Variants in SORL1 observed in about 807,000 individuals in gnomAD.
SORL1 encodes sortilin related receptor 1, also known as sortilin-related receptor.
In SORL1, 127 loss-of-function variants were observed where a neutral mutation model predicts 273.7. That is an observed-to-expected ratio of 0.46 (90% CI 0.40 to 0.54). The LOEUF is 0.54. Ranked by LOEUF, SORL1 falls within the 20% of genes least tolerant of loss-of-function variation. The pLI, the probability that SORL1 is intolerant of heterozygous loss-of-function variation, is 0.00. For synonymous variants in SORL1, 1,031 were observed against 1,067.4 expected, an observed-to-expected ratio of 0.97 and a Z score of 0.66; for missense variants, 2,494 against 2,846.1, an observed-to-expected ratio of 0.88 and a Z score of 2.81.
intron 2 of SORL1, among the ~76,000 whole-genome samples, chr11:121,472,328 A>G (rs1429845566): frequency 1.3e-5 from 2 of 152,200 alleles, no homozygotes; most frequent in Non-Finnish European, 2.9e-5. Flanking sequence ...CTCTTAATCC[A>G]GACAACATTT....
rs984973147 is a variant in SORL1 at position 121,627,649 on chromosome 11, G to A, written c.6459G>A (p.Val2153=). 6.2e-7 allele frequency: 1 copy of A among 1,614,192 alleles called. No individual in the cohort carries two copies. Among genetic ancestry groups the A allele is most frequent in the Admixed American group, 1.7e-5 (1 of 60,028 alleles). Residue 2153 remains valine, a synonymous_variant, in exon 47 of 48, where the codon GTG becomes GTA. Coordinates refer to ENST00000260197, the MANE Select transcript of SORL1 (RefSeq NM_003105.6). The surrounding 1 kb of genome is among the most constrained non-coding windows in gnomAD (Gnocchi z 4.9). ...TCCTGATACTGCTGAGCCTGGGGGT[G>A]GGGTTTGCCATCCTGTACACGAAGC... ...ILFLILLSLG[V]GFAILYTKHR...
At position 121,583,701 on chromosome 11, in the gene SORL1, T is replaced by G. The variant is rs889742081; in HGVS notation, c.3706+118T>G. 4 of 1,081,140 alleles carry G rather than the reference T, an allele frequency of 3.7e-6. No individual in the cohort carries two copies. The African/African-American group carries it at 6.5e-5, about 18-fold the overall frequency. The allele number at this position is 1,081,140 out of a possible 1,614,324, so 67.0% of individuals were successfully genotyped here. On this transcript the variant is annotated intron_variant, in intron 26 of 47. Coordinates refer to ENST00000260197, the MANE Select transcript of SORL1 (RefSeq NM_003105.6). ...TTCTCCTATGCCTGTATTTACACTC[T>G]GAAACCAAATAAGCCCATCTACTTT... is the stretch of plus-strand genomic sequence containing the variant.
intron 32 of SORL1, among the ~76,000 whole-genome samples, chr11:121,601,910 C>T (rs1285774167): frequency 3.3e-5 from 5 of 152,196 alleles, no homozygotes; most frequent in Non-Finnish European, 7.3e-5. Flanking sequence ...GGCATAGTCT[C>T]TCCCTGGCAA....
chr11:121,607,443 AG>A (rs1226423259), intron 37 of SORL1, among the ~76,000 whole-genome samples, 153 bp downstream of exon 37: 1 of 152,200 alleles, frequency 6.6e-6, no homozygotes, highest in Non-Finnish European at 1.5e-5. Flanking sequence ...GGGAGCTCAG[AG>A]TTTCTTTCAG....
intron 11 of SORL1, among the ~76,000 whole-genome samples, chr11:121,527,903 G>T (rs1181310795): frequency 6.6e-6 from 1 of 152,056 alleles, no homozygotes; most frequent in Non-Finnish European, 1.5e-5. Flanking sequence ...TCTTTCCAAA[G>T]AATCTGCTTT....
intron 30 of SORL1, 35 bp downstream of exon 30, chr11:121,590,209 A>G: frequency 1.2e-6 from 2 of 1,601,952 alleles, no homozygotes; most frequent in South Asian, 2.2e-5. Context: ...TAGCCCCATA[A>G]CCAAGACACA....
intron 12 of SORL1, among the ~76,000 whole-genome samples, chr11:121,542,918 C>T (rs1862368193): frequency 6.6e-6 from 1 of 151,166 alleles, no homozygotes; most frequent in Admixed American, 6.6e-5. Context: ...TGGCTCATGA[C>T]TGTAATCCCA....
chr11:121,478,426 T>C (rs1170884502), intron 3 of SORL1, among the ~76,000 whole-genome samples, 183 bp downstream of exon 3: 2 of 152,234 alleles, frequency 1.3e-5, no homozygotes, highest in Non-Finnish European at 2.9e-5. Flanking sequence ...GGTTGGTCTC[T>C]GCACAATCAG....
chr11:121,535,964 G>T (rs1333779392), intron 12 of SORL1, among the ~76,000 whole-genome samples: 3 of 152,344 alleles, frequency 2.0e-5, no homozygotes, highest in Non-Finnish European at 2.9e-5. Flanking sequence ...CATAGGAGCA[G>T]TGGCTTTTTC....
chr11:121,593,382 G>A (rs577686026), intron 31 of SORL1, among the ~76,000 whole-genome samples: 7 of 152,144 alleles, frequency 4.6e-5, no homozygotes, highest in South Asian at 2.1e-4. Flanking sequence ...CCTTTCAGTC[G>A]CCACTCAGGA....
At chr11:121,629,297 C>T (rs921878844) in intron 47 of SORL1, 199 bp from the exon 48 acceptor site, 14 of 525,172 alleles carry the variant, frequency 2.7e-5, no homozygotes, top group Non-Finnish European at 3.7e-5. Flanking sequence ...GAGGATCCAT[C>T]GATGGGTAGA....
At chr11:121,584,597 CTT>C (rs61438769) in intron 26 of SORL1, among the ~76,000 whole-genome samples, 3 of 144,942 alleles carry the variant, frequency 2.1e-5, no homozygotes, top group Admixed American at 6.9e-5. Flanking sequence ...AAGTGATTTT[CTT>C]TTTTTTTTTT....
intron 38 of SORL1, 190 bp from the exon 39 acceptor site, chr11:121,610,886 G>A (rs1863552643): frequency 1.9e-6 from 1 of 518,290 alleles, no homozygotes; most frequent in Non-Finnish European, 3.5e-6. Context: ...TGTTCACCAA[G>A]CAACTGTGGA....
intron 2 of SORL1, 107 bp from the exon 3 acceptor site, chr11:121,478,011 A>G (rs1861303416): frequency 4.6e-6 from 6 of 1,296,642 alleles, no homozygotes; most frequent in Admixed American, 2.3e-5. Flanking sequence ...CAGCCCGGGC[A>G]AAAAGAGTGA....
rs372366880 is a variant in SORL1, at chr11:121,615,047, C to G, written c.5596C>G (p.Arg1866Gly). The change falls in exon 41 of 48, where the codon CGG becomes GGG. Residue 1866 changes from arginine to glycine, a missense_variant. Physicochemically the swap from Arg to Gly is moderately radical, Grantham distance 125. Around this residue, in one of 3 missense-constraint regions of SORL1, gnomAD observed 1,609 missense variants for 1,816.4 expected, o/e 0.89. Transcript: ENST00000260197. ...TAVECTWTGP[R>G]NVVYGIFYAT... Reference sequence around the variant, plus strand: ...AGTGGAATGTACCTGGACCGGCCCCCGGAATGTGGTGAGTCAGCCAGAATG... The same window carrying G: ...AGTGGAATGTACCTGGACCGGCCCCGGGAATGTGGTGAGTCAGCCAGAATG... 6.3e-7 allele frequency: 1 copy of G among 1,595,658 alleles called. No individual in the cohort carries two copies. Among genetic ancestry groups the G allele is most frequent in the South Asian group, 1.1e-5 (1 of 88,768 alleles).
chr11:121,490,521 C>T (rs1861536897), intron 5 of SORL1, among the ~76,000 whole-genome samples: 1 of 152,120 alleles, frequency 6.6e-6, no homozygotes, highest in Non-Finnish European at 1.5e-5. Context: ...GGGCAGATCA[C>T]CTGAGCTCGG....
Position 121,589,320 on chromosome 11 carries a change from G to A in SORL1, c.4008G>A (p.Val1336=), listed in dbSNP as rs755838820. ...DEFGFQCQNG[V]CISLIWKCDG... Reference sequence around the variant, plus strand: ...TCGGTTTCCAGTGTCAGAATGGAGTGTGCATCAGTTTGATTTGGAAGTGCG... The same window carrying A: ...TCGGTTTCCAGTGTCAGAATGGAGTATGCATCAGTTTGATTTGGAAGTGCG... The change falls in exon 29 of 48, where the codon GTG becomes GTA. Residue 1336 remains valine (V), a synonymous_variant. Transcript: ENST00000260197. 2.8e-5 allele frequency: 45 copies of A among 1,613,910 alleles called. No individual in the cohort carries two copies. The South Asian group carries it at 4.7e-4, about 17-fold the overall frequency.
intron 30 of SORL1, 67 bp from the exon 31 acceptor site, chr11:121,590,934 G>C: frequency 6.3e-7 from 1 of 1,580,922 alleles, no homozygotes; most frequent in Non-Finnish European, 8.7e-7. Flanking sequence ...CTAGGTTTGG[G>C]ACATATTTGG....
intron 1 of SORL1, among the ~76,000 whole-genome samples, chr11:121,463,566 T>C (rs144617289): frequency 2.0e-5 from 3 of 152,232 alleles, no homozygotes; most frequent in Admixed American, 6.5e-5. Context: ...CTCTGTAGAA[T>C]GGTCATGGCT....
Sources: allele counts gnomAD v4.1 joint callset (sites outside exome capture counted in the v4.1 genomes callset), GRCh38; gene constraint gnomAD v4.1.1; regional missense constraint gnomAD v4.1.1; non-coding constraint Gnocchi (gnomAD v3.1); transcripts MANE v1.5; gene names NCBI Gene and HGNC (gene_info 2026-07-23, HGNC 2026-07-21).